Variants in PRIMPOL observed in about 807,000 individuals in gnomAD.
The protein encoded by PRIMPOL is DNA-directed primase/polymerase protein.
In PRIMPOL, 54 loss-of-function variants were observed where a neutral mutation model predicts 63.6. The ratio of observed to expected loss-of-function variants is 0.85; its 90% CI spans 0.68 to 1.07. PRIMPOL has a LOEUF of 1.07. PRIMPOL is among the 50% of genes least tolerant of loss of function. The pLI, the probability that PRIMPOL is intolerant of heterozygous loss-of-function variation, is 0.00. For synonymous variants in PRIMPOL, 197 were observed against 220.2 expected (o/e 0.89, Z 0.93); for missense variants, 610 against 648.3 (o/e 0.94, Z 0.64).
At chr4:184,653,220 G>T (rs1232908652) in intron 2 of PRIMPOL, among the ~76,000 whole-genome samples, 1 of 151,912 alleles carries the variant, frequency 6.6e-6, no homozygotes, top group East Asian at 1.9e-4. Flanking sequence ...GGAAGCATGT[G>T]CCCCCTCCTT....
At chr4:184,662,379 G>A (rs569751421) in intron 5 of PRIMPOL, among the ~76,000 whole-genome samples, 5 of 152,146 alleles carry the variant, frequency 3.3e-5, no homozygotes, top group Non-Finnish European at 1.5e-5. Context: ...AGGCCCAGAC[G>A]AAACTAATTC....
At chr4:184,658,022 AT>A (rs1747008599) in intron 3 of PRIMPOL, among the ~76,000 whole-genome samples, 2 of 149,504 alleles carry the variant, frequency 1.3e-5, no homozygotes, top group Non-Finnish European at 1.5e-5. Flanking sequence ...AAATAAATAA[AT>A]AAATAAATAA....
chr4:184,650,250 A>G (rs1424266463), intron 1 of PRIMPOL, among the ~76,000 whole-genome samples: 2 of 152,266 alleles, frequency 1.3e-5, no homozygotes, highest in East Asian at 3.8e-4. Flanking sequence ...ACAAAGTAGC[A>G]TTTAACATCA....
chr4:184,661,809 A>C lies in PRIMPOL; in HGVS notation c.314A>C (p.Glu105Ala), dbSNP rs754339256. The C allele has an allele frequency of 6.2e-7, 1 of 1,613,206 alleles. No individual in the cohort carries two copies. Reference sequence around the variant, plus strand: ...TTACACTGCTATGAAGTTATTCCTGAAAATGCTGTGTGCAAGCTTTATTTT... The same window carrying C: ...TTACACTGCTATGAAGTTATTCCTGCAAATGCTGTGTGCAAGCTTTATTTT... ...NLLHCYEVIP[E>A]NAVCKLYFDL... Residue 105 changes from glutamate (E) to alanine (A), a missense_variant, in exon 5 of 14, where the codon GAA becomes GCA. Physicochemically the swap from Glu to Ala is moderately radical, Grantham distance 107 (BLOSUM62 -1). Transcript: ENST00000314970.
At chr4:184,657,846 A>C (rs1746907539) in intron 3 of PRIMPOL, among the ~76,000 whole-genome samples, 1 of 151,696 alleles carries the variant, frequency 6.6e-6, no homozygotes, top group Non-Finnish European at 1.5e-5. Flanking sequence ...ATACAAAATT[A>C]GCCGGGTGTG....
At chr4:184,668,574 C>A (rs941735153) in intron 6 of PRIMPOL, among the ~76,000 whole-genome samples, 3 of 152,104 alleles carry the variant, frequency 2.0e-5, no homozygotes, top group Non-Finnish European at 2.9e-5. Context: ...TTTGATGCTG[C>A]TGTCTAAACC....
intron 6 of PRIMPOL, among the ~76,000 whole-genome samples, chr4:184,668,350 A>G (rs1014788775): frequency 3.3e-5 from 5 of 152,214 alleles, no homozygotes; most frequent in Non-Finnish European, 7.3e-5. Flanking sequence ...CTCTCGCCCT[A>G]CTTAGCCAGT....
At chr4:184,688,599 C>T (rs775611583) in intron 11 of PRIMPOL, among the ~76,000 whole-genome samples, 8 of 152,314 alleles carry the variant, frequency 5.3e-5, no homozygotes, top group East Asian at 1.9e-4. Flanking sequence ...GGAGGAAACC[C>T]GAGGCAGGCG....
At chr4:184,653,554 G>A (rs547854360) in intron 2 of PRIMPOL, among the ~76,000 whole-genome samples, 51 of 152,204 alleles carry the variant, frequency 3.4e-4, no homozygotes, top group Admixed American at 6.5e-4. Context: ...GTTTCACCAT[G>A]TTGGCCAGGC....
chr4:184,691,149 A>G (rs72703532), intron 11 of PRIMPOL, among the ~76,000 whole-genome samples: 10,177 of 152,104 alleles, frequency 0.067, 456 homozygotes, highest in Non-Finnish European at 0.092. Context: ...TAAATTACTG[A>G]GAGTATGTTT....
intron 1 of PRIMPOL, among the ~76,000 whole-genome samples, chr4:184,651,068 T>C (rs1195156294): frequency 6.6e-6 from 1 of 152,046 alleles, no homozygotes; most frequent in Non-Finnish European, 1.5e-5. Context: ...GGCAGGTGGA[T>C]CACGAGGTCA....
intron 11 of PRIMPOL, among the ~76,000 whole-genome samples, chr4:184,687,347 A>G (rs534558580): frequency 5.9e-5 from 9 of 152,254 alleles, no homozygotes; most frequent in Non-Finnish European, 1.5e-5. Context: ...CTGGGATTAC[A>G]GGTGTGAGCC....
intron 11 of PRIMPOL, among the ~76,000 whole-genome samples, chr4:184,690,606 C>G (rs562661593): frequency 7.2e-6 from 1 of 139,562 alleles, no homozygotes; most frequent in South Asian, 2.1e-4. Flanking sequence ...ATTACAGGTG[C>G]CCCCCACCAC....
Position 184,654,453 on chromosome 4 carries a change from G to GTTTTTTTTTTTTT in PRIMPOL, c.-60+2356_-60+2368dup, listed in dbSNP as rs1553985960. ...CACTTTGTATTGACAAGTTAAAGCA[G>GTTTTTTTTTTTTT]TTTTTTTTTTTTTTTGAGACAGAGT... On this transcript the variant is annotated intron_variant, in intron 2 of 13. Transcript: ENST00000314970. 8.0e-3 allele frequency among the ~76,000 whole-genome samples: 267 copies of GTTTTTTTTTTTTT among 33,478 alleles called. 3 individuals carry two copies. The highest frequency in any genetic ancestry group is 0.047 in the East Asian group (16 of 338). 22.0% of individuals were successfully genotyped at this position (33,478 alleles called of 152,430 possible).
At chr4:184,692,600 G>A (rs1309591321) in intron 13 of PRIMPOL, among the ~76,000 whole-genome samples, 2 of 150,928 alleles carry the variant, frequency 1.3e-5, no homozygotes, top group Non-Finnish European at 2.9e-5. Flanking sequence ...ACGTACCTTC[G>A]AGAATTTATG....
intron 2 of PRIMPOL, among the ~76,000 whole-genome samples, chr4:184,655,894 T>A (rs1324020482): frequency 6.6e-6 from 1 of 152,206 alleles, no homozygotes; most frequent in African/African-American, 2.4e-5. Context: ...ATTAATTACC[T>A]ATTTCTATGT....
chr4:184,654,324 G>A (rs1745588242), intron 2 of PRIMPOL, among the ~76,000 whole-genome samples: 1 of 152,066 alleles, frequency 6.6e-6, no homozygotes, highest in Non-Finnish European at 1.5e-5. Context: ...ATGATAGAAA[G>A]TCAGTTTCTC....
intron 13 of PRIMPOL, among the ~76,000 whole-genome samples, chr4:184,691,923 TGA>T (rs1484435925): frequency 6.7e-6 from 1 of 149,828 alleles, no homozygotes; most frequent in East Asian, 2.0e-4. Context: ...TACTGCTGCT[TGA>T]GGTGTACAGT....
intron 7 of PRIMPOL, 72 bp from the exon 8 acceptor site, chr4:184,678,159 CT>C (rs1192584038): frequency 1.3e-5 from 12 of 930,414 alleles, no homozygotes; most frequent in African/African-American, 1.7e-5. Context: ...TATATAAAAA[CT>C]TAATATTTGC....
Sources: gnomAD v4.1 joint callset for allele counts (sites outside exome capture counted in the v4.1 genomes callset) on GRCh38, gnomAD v4.1.1 for gene constraint, MANE v1.5 for transcripts, NCBI Gene and HGNC (gene_info 2026-07-23, HGNC 2026-07-21) for gene names.